Variants in SPECC1 observed in about 807,000 individuals in gnomAD.
SPECC1 encodes sperm antigen with calponin homology and coiled-coil domains 1.
A neutral mutation model predicts 104.1 loss-of-function variants in SPECC1; 62 were observed. The observed-to-expected ratio is 0.60, with a 90% CI of 0.49 to 0.74. The LOEUF (loss-of-function observed/expected upper bound fraction) is 0.74, where lower values mean the gene tolerates loss of function less well. Ranked by LOEUF, SPECC1 falls within the 30% of genes least tolerant of loss-of-function variation. The pLI is 0.00. For missense variants in SPECC1, 1,306 were observed against 1,310.5 expected, an observed-to-expected ratio of 1.00 and a Z score of 0.05; for synonymous variants, 513 against 501.6, an observed-to-expected ratio of 1.02 and a Z score of -0.30.
chr17:20,211,998 C>G (rs952400757), intron 4 of SPECC1, among the ~76,000 whole-genome samples: 1 of 152,154 alleles, frequency 6.6e-6, no homozygotes, highest in Non-Finnish European at 1.5e-5. Flanking sequence ...TGCGTGGGGC[C>G]TTGTTGCTTC....
chr17:20,178,418 C>G (rs552669030), intron 3 of SPECC1, among the ~76,000 whole-genome samples: 1 of 152,132 alleles, frequency 6.6e-6, no homozygotes, highest in South Asian at 2.1e-4. Context: ...TGCCAAGGGC[C>G]AAACCCACAT....
At chr17:20,224,482 C>A (rs1393488986) in intron 4 of SPECC1, among the ~76,000 whole-genome samples, 2 of 152,136 alleles carry the variant, frequency 1.3e-5, no homozygotes, top group African/African-American at 4.8e-5. Context: ...TACTTGGGAG[C>A]TGGGGCCTGG....
At chr17:20,214,126 A>G (rs1351661451) in intron 4 of SPECC1, among the ~76,000 whole-genome samples, 1 of 152,174 alleles carries the variant, frequency 6.6e-6, no homozygotes, top group Non-Finnish European at 1.5e-5. Flanking sequence ...TTTTATACAC[A>G]TGGAACCCAC....
chr17:20,182,119 C>CTTTTTTTTTTTTTTTTTTTTTTTTTT (rs57991209), intron 3 of SPECC1, among the ~76,000 whole-genome samples: 1 of 136,580 alleles, frequency 7.3e-6, no homozygotes, highest in African/African-American at 2.8e-5. Flanking sequence ...CTTTCTTTTT[C>CTTTTTTTTTTTTTTTTTTTTTTTTTT]TTTTTTTTTT....
intron 3 of SPECC1, among the ~76,000 whole-genome samples, chr17:20,175,178 G>A (rs1402316484): frequency 1.3e-5 from 2 of 152,162 alleles, no homozygotes; most frequent in Non-Finnish European, 2.9e-5. Context: ...CCCCAGAGGG[G>A]ATGTAGTCAT....
chr17:20,193,284 A>G (rs754969768), intron 3 of SPECC1, among the ~76,000 whole-genome samples: 2 of 152,034 alleles, frequency 1.3e-5, no homozygotes, highest in Non-Finnish European at 2.9e-5. Flanking sequence ...TATGACCTGT[A>G]TCTTGTGCCA....
intron 1 of SPECC1, among the ~76,000 whole-genome samples, chr17:20,075,867 A>T (rs1434925803): frequency 2.6e-5 from 4 of 152,196 alleles, no homozygotes; most frequent in Admixed American, 6.5e-5. Context: ...AGATCGCTTG[A>T]AATCAGGAGG....
chr17:20,258,239 A>G (rs569182639), intron 11 of SPECC1, among the ~76,000 whole-genome samples: 1 of 152,356 alleles, frequency 6.6e-6, no homozygotes, highest in South Asian at 2.1e-4. Flanking sequence ...ACAGTGGTAT[A>G]TAAGGATTGA....
At chr17:20,074,252 G>A (rs1453734009) in intron 1 of SPECC1, among the ~76,000 whole-genome samples, 5 of 152,136 alleles carry the variant, frequency 3.3e-5, no homozygotes, top group African/African-American at 4.8e-5. Context: ...TGATAATGTC[G>A]CAATGCTCAA....
chr17:20,024,268 A>G (rs2044512987), intron 1 of SPECC1, among the ~76,000 whole-genome samples: 1 of 152,198 alleles, frequency 6.6e-6, no homozygotes, highest in Admixed American at 6.5e-5. Flanking sequence ...GGCTGAGTTT[A>G]CCACTTTTTA....
At chr17:20,050,487 T>A (rs1043293332) in intron 1 of SPECC1, among the ~76,000 whole-genome samples, 1 of 152,248 alleles carries the variant, frequency 6.6e-6, no homozygotes, top group African/African-American at 2.4e-5. Flanking sequence ...AAAATGCAAA[T>A]TCAATAAAAT....
intron 7 of SPECC1, chr17:20,237,387 T>G (rs1432583675): frequency 1.5e-6 from 1 of 656,066 alleles, no homozygotes; most frequent in Non-Finnish European, 2.0e-6. Flanking sequence ...CGATCTCGGC[T>G]CACTGCAACC....
At chr17:20,092,349 A>C (rs1440715515) in intron 1 of SPECC1, among the ~76,000 whole-genome samples, 1 of 143,078 alleles carries the variant, frequency 7.0e-6, no homozygotes, top group African/African-American at 2.6e-5. Context: ...ACTTGGCTGG[A>C]GCCTGTTTAT....
In SPECC1 at chr17:20,205,856, C is replaced by A; in HGVS notation, c.1807C>A (p.Gln603Lys). The change falls in exon 4 of 15, where the codon CAA (glutamine) becomes AAA (lysine). Residue 603 changes from glutamine (Q) to lysine (K), a missense_variant. Gln to Lys is a moderately conservative substitution (Grantham distance 53). Coordinates refer to ENST00000395527, the MANE Select transcript of SPECC1 (RefSeq NM_001243439.2). ...LLELSCNELR[Q>K]ELLKANGEIK... is the part of the protein sequence containing the mutation. Reference sequence around the variant, plus strand: ...GGAACTGTCTTGCAATGAGCTCAGACAAGAATTACTAAAGGCAAACGGTGA... The same window carrying A: ...GGAACTGTCTTGCAATGAGCTCAGAAAAGAATTACTAAAGGCAAACGGTGA... The A allele has an allele frequency of 6.2e-7, 1 of 1,614,022 alleles. No homozygotes were observed. The highest frequency in any genetic ancestry group is 8.5e-7 in the Non-Finnish European group (1 of 1,180,018).
At position 20,227,461 on chromosome 17, in the gene SPECC1, G is replaced by A. The variant is rs754456740; in HGVS notation, c.1912G>A (p.Glu638Lys). Residue 638 changes from glutamate (E) to lysine (K), a missense_variant, in exon 5 of 15, where the codon GAA becomes AAA. By Grantham distance (56) the Glu-to-Lys change is moderately conservative (BLOSUM62 1). Transcript: ENST00000395527. The part of the protein sequence containing the change: ...YLKEICDHQA[E>K]QLSRTSLKLQ... ...GAAGGAGATATGTGATCACCAAGCC[G>A]AACAGCTGAGCAGAACCAGCCTAAA... 28 of 1,613,428 alleles carry A rather than the reference G, an allele frequency of 1.7e-5. No individual in the cohort carries two copies. Among genetic ancestry groups the A allele is most frequent in the Admixed American group, 5.0e-5 (3 of 59,824 alleles).
chr17:20,198,267 G>T (rs2036169758), intron 3 of SPECC1, among the ~76,000 whole-genome samples: 2 of 152,244 alleles, frequency 1.3e-5, no homozygotes, highest in South Asian at 4.1e-4. Flanking sequence ...GTGGCCTCTG[G>T]GCAAGGTGGT....
At chr17:20,121,063 A>G (rs771503837) in intron 3 of SPECC1, among the ~76,000 whole-genome samples, 4 of 152,286 alleles carry the variant, frequency 2.6e-5, no homozygotes, top group Admixed American at 1.3e-4. Context: ...GTTTGCTCCA[A>G]CAATAGCAAG....
At chr17:20,020,006 A>G (rs549216601) in intron 1 of SPECC1, among the ~76,000 whole-genome samples, 65 of 152,370 alleles carry the variant, frequency 4.3e-4, no homozygotes, top group African/African-American at 1.5e-3. Flanking sequence ...GCAGGGTGAC[A>G]TGCATAGAGC....
At chr17:20,041,277 C>G (rs2045315882) in intron 1 of SPECC1, among the ~76,000 whole-genome samples, 2 of 152,064 alleles carry the variant, frequency 1.3e-5, no homozygotes, top group South Asian at 4.1e-4. Context: ...CTCTTGTTGC[C>G]CAGGCTGGAG....
Sources: gnomAD v4.1 joint callset for allele counts (sites outside exome capture counted in the v4.1 genomes callset) on GRCh38, gnomAD v4.1.1 for gene constraint, MANE v1.5 for transcripts, NCBI Gene and HGNC (gene_info 2026-07-23, HGNC 2026-07-21) for gene names.